Variants in NLGN4X observed in about 807,000 individuals in gnomAD.
NLGN4X encodes the protein neuroligin-4, X-linked.
Under a neutral mutation model 40.3 loss-of-function variants are expected in NLGN4X, and 3 were observed. The ratio of observed to expected loss-of-function variants is 0.07; its 90% CI spans 0.03 to 0.19. The LOEUF (loss-of-function observed/expected upper bound fraction) is 0.19, where lower values mean the gene tolerates loss of function less well. Among genes scored for constraint, NLGN4X ranks in the 10% least tolerant of loss-of-function variants. The pLI, the probability that NLGN4X is intolerant of heterozygous loss-of-function variation, is 1.00. For synonymous variants in NLGN4X, 270 were observed against 306.8 expected (o/e 0.88, Z 1.25); for missense variants, 382 against 708.3 (o/e 0.54, Z 5.23).
In NLGN4X at chrX:5,892,390, T is replaced by C. The variant is rs967193758; in HGVS notation, c.*427A>G. The C allele has an allele frequency of 1.5e-5, 3 of 198,262 alleles. No homozygotes were observed. In the Admixed American group the frequency reaches 2.0e-4, roughly 13 times the overall value. The allele number at this position is 198,262 out of a possible 1,213,427, so 16.3% of individuals were successfully genotyped here. On this transcript the variant is annotated 3_prime_UTR_variant, in exon 6 of 6. Transcript: ENST00000381095. ...CACTTAAGGAGAGCCATCCATTGTG[T>C]GGCACAGAAAGAAATGTTTAAACTT...
At chrX:6,045,975 T>G (rs2037307643) in intron 2 of NLGN4X, among the ~76,000 whole-genome samples, 1 of 111,634 alleles carries the variant, frequency 9.0e-6, no homozygotes, top group African/African-American at 3.2e-5. Flanking sequence ...GCTAAATAAT[T>G]TAGAATGAGT....
intron 2 of NLGN4X, among the ~76,000 whole-genome samples, chrX:6,093,175 C>G (rs2038683090): frequency 8.9e-6 from 1 of 112,095 alleles, no homozygotes; most frequent in African/African-American, 3.2e-5. Flanking sequence ...CAACTGACAT[C>G]TGTATAGCCA....
At chrX:6,165,858 A>C (rs1255665370) in intron 1 of NLGN4X, among the ~76,000 whole-genome samples, 1 of 111,340 alleles carries the variant, frequency 9.0e-6, no homozygotes, top group Non-Finnish European at 1.9e-5. Context: ...GTATATACAT[A>C]TACATATATA....
chrX:6,003,895 G>A (rs1176846249), intron 3 of NLGN4X, among the ~76,000 whole-genome samples: 2 of 111,125 alleles, frequency 1.8e-5, no homozygotes, highest in Non-Finnish European at 3.8e-5. Flanking sequence ...GGCTGGTATG[G>A]AGTTCATTCT....
intron 1 of NLGN4X, among the ~76,000 whole-genome samples, chrX:6,224,977 CATATATATAT>C (rs34139921): frequency 8.0e-4 from 42 of 52,308 alleles, no homozygotes; most frequent in African/African-American, 7.8e-4. Flanking sequence ...TTAAAATGGC[CATATATATAT>C]ATATATATAT....
At chrX:6,186,751 CAAGACATA>C (rs1258833230) in intron 1 of NLGN4X, 1 of 111,764 alleles carries the variant, frequency 8.9e-6, no homozygotes, top group Non-Finnish European at 1.9e-5. Flanking sequence ...AACACAGATA[CAAGACATA>C]AGCCTTACTC....
intron 1 of NLGN4X, among the ~76,000 whole-genome samples, chrX:6,192,546 G>A (rs1190258797): frequency 8.9e-6 from 1 of 112,008 alleles, no homozygotes. Flanking sequence ...ATGCTGTAGT[G>A]TGTGCTTCCA....
chrX:6,205,945 T>C (rs923052362), intron 1 of NLGN4X, among the ~76,000 whole-genome samples: 8 of 112,113 alleles, frequency 7.1e-5, no homozygotes, highest in African/African-American at 2.6e-4. Flanking sequence ...GAGCATCTCA[T>C]ATCCCTAATC....
chrX:6,193,103 G>A (rs1315594036), intron 1 of NLGN4X, among the ~76,000 whole-genome samples: 1 of 111,807 alleles, frequency 8.9e-6, no homozygotes, highest in Non-Finnish European at 1.9e-5. Context: ...CCATTGCCTC[G>A]TCCTTCTGAG....
intron 2 of NLGN4X, among the ~76,000 whole-genome samples, chrX:6,090,058 C>T (rs777352895): frequency 1.8e-5 from 2 of 111,360 alleles, no homozygotes; most frequent in African/African-American, 6.5e-5. Flanking sequence ...GAGTCAATCA[C>T]GTAAACACAT....
At chrX:6,090,298 T>C (rs2038605624) in intron 2 of NLGN4X, among the ~76,000 whole-genome samples, 1 of 111,206 alleles carries the variant, frequency 9.0e-6, no homozygotes, top group African/African-American at 3.3e-5. Context: ...CTAAACTATT[T>C]TCATCTTAAG....
intron 2 of NLGN4X, among the ~76,000 whole-genome samples, chrX:6,110,800 A>G (rs781137407): frequency 3.6e-5 from 4 of 112,003 alleles, no homozygotes; most frequent in African/African-American, 6.5e-5. Context: ...CTCGGTCATC[A>G]TTGTGAAGGA....
At chrX:6,227,512 C>T (rs1040719347) in intron 1 of NLGN4X, among the ~76,000 whole-genome samples, 1 of 109,847 alleles carries the variant, frequency 9.1e-6, no homozygotes, top group Non-Finnish European at 1.9e-5. Flanking sequence ...TGCAAGCCCC[C>T]CCGCGCCCCC....
intron 3 of NLGN4X, among the ~76,000 whole-genome samples, chrX:5,909,701 A>G (rs778046324): frequency 1.2e-3 from 128 of 106,558 alleles, no homozygotes; most frequent in Non-Finnish European, 2.4e-3. Context: ...GAATATGTGC[A>G]TGTATACAAA....
chrX:5,921,049 T>C (rs1185934356), intron 3 of NLGN4X, among the ~76,000 whole-genome samples: 1 of 108,658 alleles, frequency 9.2e-6, no homozygotes, highest in African/African-American at 3.4e-5. Context: ...AAACACAACA[T>C]CTTCATTGCT....
At chrX:6,167,012 G>A (rs1206639082) in intron 1 of NLGN4X, among the ~76,000 whole-genome samples, 1 of 103,661 alleles carries the variant, frequency 9.6e-6, no homozygotes, top group African/African-American at 3.6e-5. Context: ...GGGGAGGTTG[G>A]TGTGAGCCAT....
chrX:6,105,980 C>T (rs760187214), intron 2 of NLGN4X, among the ~76,000 whole-genome samples: 1 of 111,670 alleles, frequency 9.0e-6, no homozygotes, highest in East Asian at 2.8e-4. Flanking sequence ...GATCTGAAAC[C>T]CTTGGGAATG....
chrX:6,001,915 A>C (rs1301127370), intron 3 of NLGN4X, among the ~76,000 whole-genome samples: 8 of 111,841 alleles, frequency 7.2e-5, no homozygotes, highest in Admixed American at 6.7e-4. Context: ...ACAAATGCAA[A>C]TTTGACAACA....
chrX:6,053,534 G>A (rs1443875923), intron 2 of NLGN4X, among the ~76,000 whole-genome samples: 1 of 111,183 alleles, frequency 9.0e-6, no homozygotes, highest in Non-Finnish European at 1.9e-5. Context: ...TGAGGGGGAA[G>A]AGAGAGCTTT....
Sources: gnomAD v4.1 joint callset for allele counts (sites outside exome capture counted in the v4.1 genomes callset) on GRCh38, gnomAD v4.1.1 for gene constraint, MANE v1.5 for transcripts, NCBI Gene and HGNC (gene_info 2026-07-23, HGNC 2026-07-21) for gene names.